FRAS1: variants seen among roughly 807,000 people sequenced by gnomAD.
The protein encoded by FRAS1 is Fraser extracellular matrix complex subunit 1, also known as extracellular matrix organizing protein FRAS1.
A neutral mutation model predicts 435.2 loss-of-function variants in FRAS1; 290 were observed. The ratio of observed to expected loss-of-function variants is 0.67; its 90% CI spans 0.61 to 0.73. The LOEUF (loss-of-function observed/expected upper bound fraction) is 0.73. Among genes scored for constraint, FRAS1 ranks in the 30% least tolerant of loss-of-function variants. The pLI is 0.00. For synonymous variants in FRAS1, 1,800 were observed against 1,851.0 expected, an observed-to-expected ratio of 0.97 and a Z score of 0.71; for missense variants, 4,860 against 5,001.5, an observed-to-expected ratio of 0.97 and a Z score of 0.85.
At chr4:78,245,143 G>A (rs929951586) in intron 3 of FRAS1, 90 bp from the exon 4 acceptor site, 4 of 852,282 alleles carry the variant, frequency 4.7e-6, no homozygotes, top group Non-Finnish European at 7.9e-6. Flanking sequence ...ATGAGATTTA[G>A]TGAATGTAAG....
intron 14 of FRAS1, among the ~76,000 whole-genome samples, chr4:78,306,021 T>G (rs942775688): frequency 3.9e-5 from 6 of 152,212 alleles, no homozygotes; most frequent in African/African-American, 1.4e-4. Context: ...TTTCCATGTT[T>G]AGCGCTTCCT....
intron 12 of FRAS1, among the ~76,000 whole-genome samples, chr4:78,283,579 T>C (rs1281685077): frequency 6.6e-6 from 1 of 152,212 alleles, no homozygotes; most frequent in Non-Finnish European, 1.5e-5. Flanking sequence ...TAGTCTCTCT[T>C]GGAGAAGTGG....
intron 18 of FRAS1, among the ~76,000 whole-genome samples, chr4:78,330,845 A>G (rs1182622984): frequency 1.3e-5 from 2 of 152,120 alleles, no homozygotes; most frequent in Non-Finnish European, 2.9e-5. Context: ...CCCTGCCTCC[A>G]CTTGCCTTGT....
chr4:78,516,014 G>A lies in FRAS1; in HGVS notation c.10389+1G>A, dbSNP rs781242272. On this transcript the variant is annotated splice_donor_variant, in intron 66 of 73. Transcript: ENST00000512123. LOFTEE classifies it high-confidence loss of function. ...GGGCTCTGTAACCGCTGACTTCCAGGTAGGTGCCCCGGGGCTTGTCTGAGG... is the reference window on the plus strand; with the variant it reads ...GGGCTCTGTAACCGCTGACTTCCAGATAGGTGCCCCGGGGCTTGTCTGAGG... The A allele has an allele frequency of 6.2e-7, 1 of 1,611,504 alleles. No individual in the cohort carries two copies. Among genetic ancestry groups the A allele is most frequent in the Non-Finnish European group, 8.5e-7 (1 of 1,178,472 alleles).
chr4:78,372,030 A>G (rs1226641650), intron 23 of FRAS1, among the ~76,000 whole-genome samples: 1 of 152,186 alleles, frequency 6.6e-6, no homozygotes, highest in Non-Finnish European at 1.5e-5. Flanking sequence ...TTCTACACCT[A>G]CCACCTTTAT....
chr4:78,169,308 C>G (rs754832718), intron 2 of FRAS1, among the ~76,000 whole-genome samples: 8 of 152,110 alleles, frequency 5.3e-5, no homozygotes, highest in Non-Finnish European at 1.0e-4. Context: ...TACCTCTGTT[C>G]TCTCTCCCTA....
intron 2 of FRAS1, among the ~76,000 whole-genome samples, chr4:78,140,882 T>G (rs1356600035): frequency 2.6e-5 from 4 of 151,936 alleles, no homozygotes; most frequent in Non-Finnish European, 5.9e-5. Context: ...TATAAACTAC[T>G]AGCAAAAAAG....
chr4:78,100,758 G>T (rs1742083391), intron 2 of FRAS1, among the ~76,000 whole-genome samples: 1 of 152,158 alleles, frequency 6.6e-6, no homozygotes, highest in South Asian at 2.1e-4. Flanking sequence ...GTGTGTGCGT[G>T]TGTGTATTAT....
At chr4:78,536,963 C>G in intron 71 of FRAS1, 32 bp from the exon 72 acceptor site, 1 of 1,566,190 alleles carries the variant, frequency 6.4e-7, no homozygotes, top group Non-Finnish European at 8.8e-7. Flanking sequence ...ATCTTAAAGT[C>G]TGACCTAATT....
intron 14 of FRAS1, among the ~76,000 whole-genome samples, chr4:78,303,790 G>A (rs1439784674): frequency 6.6e-6 from 1 of 151,660 alleles, no homozygotes; most frequent in African/African-American, 2.4e-5. Flanking sequence ...ATACAATCAT[G>A]TCATCTGCAA....
intron 2 of FRAS1, among the ~76,000 whole-genome samples, chr4:78,131,069 T>A (rs1362536711): frequency 2.0e-5 from 3 of 152,230 alleles, no homozygotes; most frequent in African/African-American, 7.2e-5. Flanking sequence ...TATTTTTTCT[T>A]AAGATATGAA....
At chr4:78,324,560 T>C (rs748838664) in intron 18 of FRAS1, among the ~76,000 whole-genome samples, 16 of 152,202 alleles carry the variant, frequency 1.1e-4, no homozygotes, top group Non-Finnish European at 2.2e-4. Context: ...AGTTTGCATA[T>C]ATCTACTCCT....
intron 2 of FRAS1, among the ~76,000 whole-genome samples, chr4:78,101,636 A>G (rs1210628523): frequency 2.0e-5 from 3 of 152,214 alleles, no homozygotes; most frequent in South Asian, 2.1e-4. Flanking sequence ...AGGAACTGAG[A>G]ATTTCCAGGC....
intron 65 of FRAS1, among the ~76,000 whole-genome samples, chr4:78,515,397 A>G (rs965204585): frequency 2.6e-5 from 4 of 151,780 alleles, no homozygotes; most frequent in East Asian, 3.9e-4. Flanking sequence ...TAATTCACCA[A>G]TGAATGAGCC....
chr4:78,481,443 C>G (rs997171924), intron 56 of FRAS1, among the ~76,000 whole-genome samples: 2 of 152,178 alleles, frequency 1.3e-5, no homozygotes, highest in African/African-American at 2.4e-5. Context: ...GTTTCTTCTC[C>G]CTAAATAGGC....
In FRAS1 at chr4:78,452,265, C is replaced by A; in HGVS notation, c.6674C>A (p.Ala2225Asp). 1 of 1,613,770 alleles carries A rather than the reference C, an allele frequency of 6.2e-7. No individual in the cohort carries two copies. Among genetic ancestry groups the A allele is most frequent in the Non-Finnish European group, 8.5e-7 (1 of 1,179,722 alleles). ...VKKITTLQLS[A>D]TDQDSGPTEL... ...AAAATCACCACCCTGCAGCTGTCTG[C>A]CACTGACCAGGACAGTGGGCCTACA... The change falls in exon 47 of 74, where the codon GCC (alanine) becomes GAC (aspartate). Residue 2225 changes from alanine to aspartate, a missense_variant. Transcript: ENST00000512123.
At chr4:78,162,861 T>A (rs1014730266) in intron 2 of FRAS1, among the ~76,000 whole-genome samples, 4 of 152,164 alleles carry the variant, frequency 2.6e-5, no homozygotes, top group African/African-American at 9.7e-5. Flanking sequence ...GTGTAAACCA[T>A]CCTGTACTGG....
intron 2 of FRAS1, among the ~76,000 whole-genome samples, chr4:78,068,969 G>A (rs933133838): frequency 6.6e-6 from 1 of 152,144 alleles, no homozygotes; most frequent in African/African-American, 2.4e-5. Context: ...GTGAATGTAT[G>A]TTCATGTATT....
intron 30 of FRAS1, among the ~76,000 whole-genome samples, chr4:78,406,448 A>C (rs763954495): frequency 2.0e-5 from 3 of 152,190 alleles, no homozygotes; most frequent in Non-Finnish European, 1.5e-5. Flanking sequence ...CACTTCTTAC[A>C]TGGCAGCAGC....
Sources: allele counts gnomAD v4.1 joint callset (sites outside exome capture counted in the v4.1 genomes callset), GRCh38; gene constraint gnomAD v4.1.1; transcripts MANE v1.5; gene names NCBI Gene and HGNC (gene_info 2026-07-23, HGNC 2026-07-21).